The following STXBP5L variants were observed in gnomAD, a reference collection of about 807,000 sequenced individuals.
STXBP5L encodes syntaxin binding protein 5L, also known as syntaxin-binding protein 5-like.
STXBP5L carries 65 observed loss-of-function variants against 144.5 expected under a neutral mutation model. That is an observed-to-expected ratio of 0.45 (90% confidence interval 0.37 to 0.55). STXBP5L has a LOEUF of 0.55. STXBP5L is among the 20% of genes least tolerant of loss of function. STXBP5L has a pLI of 0.00. For synonymous variants in STXBP5L, 505 were observed against 469.6 expected, an observed-to-expected ratio of 1.08 and a Z score of -0.97; for missense variants, 1,298 against 1,405.5, an observed-to-expected ratio of 0.92 and a Z score of 1.22.
At chr3:121,239,506 A>T (rs372095804) in intron 13 of STXBP5L, among the ~76,000 whole-genome samples, 1 of 151,522 alleles carries the variant, frequency 6.6e-6, no homozygotes, top group African/African-American at 2.4e-5. Context: ...TGGCACATAT[A>T]CACCATGGAA....
intron 10 of STXBP5L, among the ~76,000 whole-genome samples, chr3:121,222,160 T>C (rs1406000145): frequency 6.6e-6 from 1 of 152,064 alleles, no homozygotes; most frequent in Admixed American, 6.6e-5. Context: ...CTTGAAAATA[T>C]TTTTTGCTAA....
intron 9 of STXBP5L, among the ~76,000 whole-genome samples, chr3:121,185,812 T>A (rs201146067): frequency 2.3e-4 from 29 of 124,274 alleles, no homozygotes; most frequent in Admixed American, 1.3e-3. Context: ...ACTTTAAAGT[T>A]GTTTTTTCCA....
At chr3:121,388,238 C>G (rs1280312266) in intron 22 of STXBP5L, among the ~76,000 whole-genome samples, 1 of 152,126 alleles carries the variant, frequency 6.6e-6, no homozygotes, top group Non-Finnish European at 1.5e-5. Context: ...GATTTTTGCA[C>G]GTTGATTTTG....
chr3:121,352,967 T>A (rs1469292929), intron 20 of STXBP5L, among the ~76,000 whole-genome samples: 2 of 152,192 alleles, frequency 1.3e-5, no homozygotes, highest in African/African-American at 2.4e-5. Context: ...TCGTTCTGTT[T>A]ATGTGATGGA....
intron 6 of STXBP5L, among the ~76,000 whole-genome samples, chr3:121,117,627 A>G (rs933294911): frequency 6.6e-6 from 1 of 151,852 alleles, no homozygotes; most frequent in South Asian, 2.1e-4. Flanking sequence ...TTTTAATAAT[A>G]TATTTTCTAA....
At chr3:121,034,196 C>T (rs1466537352) in intron 3 of STXBP5L, among the ~76,000 whole-genome samples, 1 of 151,978 alleles carries the variant, frequency 6.6e-6, no homozygotes, top group Non-Finnish European at 1.5e-5. Context: ...CATGAATATA[C>T]TACATAGTGG....
At position 120,921,977 on chromosome 3, in the gene STXBP5L, AT is replaced by A. The variant is rs200714706; in HGVS notation, c.189+12219del. On this transcript the variant is annotated intron_variant, in intron 2 of 26. Transcript: ENST00000471454. ...TTTGTGGTTTCATATAAATTTTAGGATTTTTTTTTGTGTTTCTGTGAAGAAA... is the reference window on the plus strand; with the variant it reads ...TTTGTGGTTTCATATAAATTTTAGGATTTTTTTTGTGTTTCTGTGAAGAAA... 3.5e-4 allele frequency among the ~76,000 whole-genome samples: 52 copies of A among 150,724 alleles called. 1 individual carries two copies. In the South Asian group the frequency reaches 8.6e-3, roughly 25 times the overall value.
intron 19 of STXBP5L, among the ~76,000 whole-genome samples, chr3:121,310,681 G>A (rs190546075): frequency 6.6e-6 from 1 of 152,010 alleles, no homozygotes; most frequent in Non-Finnish European, 1.5e-5. Context: ...GGCCAAGGCA[G>A]GTAGACCACT....
At chr3:121,169,103 A>G (rs1280746239) in intron 9 of STXBP5L, among the ~76,000 whole-genome samples, 1 of 152,254 alleles carries the variant, frequency 6.6e-6, no homozygotes, top group Non-Finnish European at 1.5e-5. Context: ...TTCATAAGCA[A>G]AGGAGAAATA....
intron 3 of STXBP5L, among the ~76,000 whole-genome samples, chr3:120,977,175 A>T (rs1051074518): frequency 1.3e-5 from 2 of 152,084 alleles, no homozygotes; most frequent in African/African-American, 4.8e-5. Context: ...ATTGTGTGGG[A>T]GTCTAAGTCT....
At chr3:121,381,118 C>T (rs766138975) in intron 21 of STXBP5L, among the ~76,000 whole-genome samples, 175 bp from the exon 22 acceptor site, 10 of 152,116 alleles carry the variant, frequency 6.6e-5, no homozygotes, top group Non-Finnish European at 1.2e-4. Flanking sequence ...TTCTAGACTT[C>T]AGTTTCTCCA....
At chr3:121,242,254 T>C (rs2049695121) in intron 14 of STXBP5L, among the ~76,000 whole-genome samples, 1 of 152,164 alleles carries the variant, frequency 6.6e-6, no homozygotes, top group Admixed American at 6.5e-5. Flanking sequence ...TTCCATCTCT[T>C]GGATTTTTAA....
intron 3 of STXBP5L, among the ~76,000 whole-genome samples, chr3:120,966,172 C>G (rs1672558100): frequency 6.6e-6 from 1 of 152,072 alleles, no homozygotes; most frequent in Non-Finnish European, 1.5e-5. Flanking sequence ...TCTAGTTAGC[C>G]ATTCATCTTA....
intron 22 of STXBP5L, among the ~76,000 whole-genome samples, chr3:121,396,333 A>T (rs2046729728): frequency 2.6e-5 from 4 of 152,220 alleles, no homozygotes; most frequent in African/African-American, 9.6e-5. Context: ...AATGTGTTTA[A>T]TATTCCACAT....
At chr3:120,993,564 C>T (rs1943096112) in intron 3 of STXBP5L, among the ~76,000 whole-genome samples, 1 of 151,990 alleles carries the variant, frequency 6.6e-6, no homozygotes, top group East Asian at 1.9e-4. Context: ...ATTGAGGAGA[C>T]TGTCCTTTCC....
chr3:121,373,789 C>T (rs1461632065), intron 20 of STXBP5L, among the ~76,000 whole-genome samples: 1 of 152,168 alleles, frequency 6.6e-6, no homozygotes, highest in Non-Finnish European at 1.5e-5. Context: ...CCCATGCATG[C>T]CACCCAGTGG....
chr3:121,207,039 C>T (rs1483604594), intron 10 of STXBP5L, among the ~76,000 whole-genome samples: 1 of 151,926 alleles, frequency 6.6e-6, no homozygotes, highest in African/African-American at 2.4e-5. Flanking sequence ...TATAACTGCT[C>T]TTTTAAAATT....
At chr3:121,031,975 T>C (rs905358574) in intron 3 of STXBP5L, among the ~76,000 whole-genome samples, 6 of 152,152 alleles carry the variant, frequency 3.9e-5, no homozygotes, top group African/African-American at 1.4e-4. Flanking sequence ...GTAGGAAAGA[T>C]AACCAGTTTG....
intron 20 of STXBP5L, among the ~76,000 whole-genome samples, chr3:121,321,051 A>C (rs2043955115): frequency 6.6e-6 from 1 of 152,218 alleles, no homozygotes; most frequent in Non-Finnish European, 1.5e-5. Context: ...CATGCAATTA[A>C]GTAGATTGTT....
Sources: gnomAD v4.1 joint callset for allele counts (sites outside exome capture counted in the v4.1 genomes callset) on GRCh38, gnomAD v4.1.1 for gene constraint, MANE v1.5 for transcripts, NCBI Gene and HGNC (gene_info 2026-07-23, HGNC 2026-07-21) for gene names.